FNDC3A: variants seen among roughly 807,000 people sequenced by gnomAD.
FNDC3A encodes fibronectin type-III domain-containing protein 3A.
In FNDC3A, 32 loss-of-function variants were observed where a neutral mutation model predicts 148.9. The observed-to-expected ratio is 0.21, with a 90% confidence interval of 0.16 to 0.29. FNDC3A has a LOEUF of 0.29. Ranked by LOEUF, FNDC3A falls within the 10% of genes least tolerant of loss-of-function variation. FNDC3A has a pLI of 1.00. For synonymous variants in FNDC3A, 472 were observed against 473.6 expected, an observed-to-expected ratio of 1.00 and a Z score of 0.04; for missense variants, 1,191 against 1,452.8, an observed-to-expected ratio of 0.82 and a Z score of 2.93.
rs985022068 is a variant in FNDC3A at position 49,074,624 on chromosome 13, T to A, written c.100-665T>A. ...AGTAATAACTTGAAAGTCTTTTTTT[T>A]AATAATATTGAACTTTAAAAAAGGT... On this transcript the variant is annotated intron_variant, in intron 2 of 25. Transcript: ENST00000492622. 3.3e-5 allele frequency among the ~76,000 whole-genome samples: 5 copies of A among 152,316 alleles called. No individual in the cohort carries two copies. In the East Asian group the frequency reaches 5.8e-4, roughly 18 times the overall value.
At chr13:49,123,030 A>C (rs542152335) in intron 4 of FNDC3A, among the ~76,000 whole-genome samples, 1 of 152,278 alleles carries the variant, frequency 6.6e-6, no homozygotes, top group East Asian at 1.9e-4. Context: ...AAAAGAGCCC[A>C]TATAGCCAAA....
intron 1 of FNDC3A, among the ~76,000 whole-genome samples, chr13:49,002,731 A>G (rs1209766856): frequency 6.6e-6 from 1 of 152,134 alleles, no homozygotes; most frequent in Non-Finnish European, 1.5e-5. Context: ...TTTTTCATGC[A>G]TGTTGTGTTT....
chr13:49,141,431 G>A (rs1882683647), intron 7 of FNDC3A, among the ~76,000 whole-genome samples: 1 of 151,604 alleles, frequency 6.6e-6, no homozygotes, highest in Non-Finnish European at 1.5e-5. Context: ...TTACCTTTTT[G>A]TGGTTACTAG....
At chr13:49,184,409 G>A (rs1345639564) in intron 14 of FNDC3A, among the ~76,000 whole-genome samples, 1 of 152,174 alleles carries the variant, frequency 6.6e-6, no homozygotes, top group African/African-American at 2.4e-5. Flanking sequence ...GGAAAGATAG[G>A]AGAAAGGAGG....
At chr13:49,111,783 AT>A (rs1166415931) in intron 3 of FNDC3A, among the ~76,000 whole-genome samples, 11 of 151,642 alleles carry the variant, frequency 7.3e-5, no homozygotes, top group Non-Finnish European at 8.8e-5. Context: ...TAAAAAAAAA[AT>A]TTTTTTGCTA....
At chr13:49,204,887 C>T (rs1886578847) in intron 25 of FNDC3A, among the ~76,000 whole-genome samples, 1 of 152,188 alleles carries the variant, frequency 6.6e-6, no homozygotes, top group Non-Finnish European at 1.5e-5. Context: ...TCCTCTCCAA[C>T]ATCTTTACTT....
Position 49,209,384 on chromosome 13 carries a change from G to T in FNDC3A, c.*1989G>T, listed in dbSNP as rs1886795114. On this transcript the variant is annotated 3_prime_UTR_variant, in exon 26 of 26. Transcript: ENST00000492622. ...TGCAGAGGAGAAAACAATTTTTAAT[G>T]TAATCTTGATTTTACCTCATATACT... The T allele has an allele frequency of 6.6e-6, 1 of 152,554 alleles. No homozygotes were observed. Among genetic ancestry groups the T allele is most frequent in the Non-Finnish European group, 1.5e-5 (1 of 68,016 alleles). 9.5% of individuals were successfully genotyped at this position (152,554 alleles called of 1,614,324 possible). A position where few individuals can be genotyped will look rare whatever the true frequency, so the allele number is the denominator to read the frequency against.
At chr13:49,013,712 T>G (rs11148131) in intron 2 of FNDC3A, among the ~76,000 whole-genome samples, 143,776 of 143,864 alleles carry the variant, frequency 1, 71,845 homozygotes, top group Middle Eastern at 1. Flanking sequence ...TCGTCATCTA[T>G]CATTAGGTAT....
chr13:49,068,208 G>GTGTGTT (rs146978269), intron 2 of FNDC3A, among the ~76,000 whole-genome samples: 8 of 149,874 alleles, frequency 5.3e-5, no homozygotes, highest in South Asian at 2.1e-4. Context: ...GTGTGTGTGT[G>GTGTGTT]TGTAATTTAG....
intron 2 of FNDC3A, among the ~76,000 whole-genome samples, chr13:49,060,649 A>G (rs1876610839): frequency 6.7e-6 from 1 of 149,940 alleles, no homozygotes. Context: ...GTCTCAAAAA[A>G]AAAAAAAAAA....
chr13:49,165,273 A>T (rs1156484355), intron 8 of FNDC3A, among the ~76,000 whole-genome samples: 1 of 152,150 alleles, frequency 6.6e-6, no homozygotes, highest in Non-Finnish European at 1.5e-5. Flanking sequence ...GTCAGTATCC[A>T]TGCATCTGGT....
chr13:49,013,289 T>G (rs949646940), intron 2 of FNDC3A, among the ~76,000 whole-genome samples: 1 of 152,146 alleles, frequency 6.6e-6, no homozygotes, highest in Non-Finnish European at 1.5e-5. Context: ...TGTTCCAGTC[T>G]GGGCAACAGA....
chr13:49,035,220 A>C (rs1874408231), intron 2 of FNDC3A, among the ~76,000 whole-genome samples: 1 of 152,082 alleles, frequency 6.6e-6, no homozygotes, highest in South Asian at 2.1e-4. Context: ...ATGTGCAGGT[A>C]ATGACACTTT....
chr13:49,078,173 A>G (rs776520185), intron 3 of FNDC3A, among the ~76,000 whole-genome samples: 1 of 152,222 alleles, frequency 6.6e-6, no homozygotes, highest in Non-Finnish European at 1.5e-5. Flanking sequence ...AGTGCTATTT[A>G]TGATTGGATA....
intron 19 of FNDC3A, among the ~76,000 whole-genome samples, chr13:49,192,020 A>C (rs1885912482): frequency 6.6e-6 from 1 of 152,226 alleles, no homozygotes; most frequent in Admixed American, 6.5e-5. Flanking sequence ...GGTAAGCTAC[A>C]AACCTTAGTT....
At chr13:49,026,343 A>G (rs1390867996) in intron 2 of FNDC3A, among the ~76,000 whole-genome samples, 1 of 152,226 alleles carries the variant, frequency 6.6e-6, no homozygotes, top group Non-Finnish European at 1.5e-5. Context: ...TCAAAAGAGC[A>G]TCTGAGGAAA....
chr13:49,124,254 C>A (rs1298048425), intron 4 of FNDC3A, among the ~76,000 whole-genome samples: 1 of 152,086 alleles, frequency 6.6e-6, no homozygotes, highest in Non-Finnish European at 1.5e-5. Context: ...GAAAACCAAA[C>A]ACCACATGTT....
intron 2 of FNDC3A, among the ~76,000 whole-genome samples, chr13:49,010,792 T>C (rs1452459259): frequency 6.6e-6 from 1 of 152,240 alleles, no homozygotes; most frequent in Non-Finnish European, 1.5e-5. Context: ...CTGACTTTTA[T>C]GATAATTGCT....
chr13:49,000,828 C>A (rs1159033597), intron 1 of FNDC3A, among the ~76,000 whole-genome samples: 3 of 152,024 alleles, frequency 2.0e-5, no homozygotes, highest in Non-Finnish European at 2.9e-5. Flanking sequence ...CTTTTGGTTG[C>A]TATTGTAAAT....
Sources: gnomAD v4.1 joint callset for allele counts (sites outside exome capture counted in the v4.1 genomes callset) on GRCh38, gnomAD v4.1.1 for gene constraint, MANE v1.5 for transcripts, NCBI Gene and HGNC (gene_info 2026-07-23, HGNC 2026-07-21) for gene names.